Variants in XIRP2 observed in about 807,000 individuals in gnomAD.
XIRP2 encodes xin actin-binding repeat-containing protein 2.
Under a neutral mutation model 277.0 loss-of-function variants are expected in XIRP2, and 236 were observed. The ratio of observed to expected loss-of-function variants is 0.85; its 90% CI spans 0.77 to 0.95. The LOEUF is 0.95. Among genes scored for constraint, XIRP2 ranks in the 40% least tolerant of loss-of-function variants. The pLI is 0.00. For missense variants in XIRP2, 4,640 were observed against 4,157.5 expected (o/e 1.12, Z -3.19); for synonymous variants, 1,490 against 1,416.5 (o/e 1.05, Z -1.17).
chr2:167,153,094 T>C (rs1692063845), intron 3 of XIRP2, among the ~76,000 whole-genome samples: 1 of 152,164 alleles, frequency 6.6e-6, no homozygotes, highest in Non-Finnish European at 1.5e-5. Flanking sequence ...GGAGTGTATC[T>C]CAAAATATTT....
chr2:167,052,307 CT>C (rs571880116), intron 2 of XIRP2, among the ~76,000 whole-genome samples: 2 of 151,724 alleles, frequency 1.3e-5, no homozygotes, highest in African/African-American at 2.4e-5. Flanking sequence ...ATCTTGGCAA[CT>C]TTTTTTTAAA....
At chr2:167,056,255 TCTC>T (rs1558963783) in intron 2 of XIRP2, among the ~76,000 whole-genome samples, 1 of 152,136 alleles carries the variant, frequency 6.6e-6, no homozygotes, top group Non-Finnish European at 1.5e-5. Flanking sequence ...ATTTTTCTCA[TCTC>T]CTCTGAAAGC....
intron 2 of XIRP2, among the ~76,000 whole-genome samples, chr2:167,043,360 A>G (rs764596570): frequency 7.2e-5 from 11 of 151,888 alleles, no homozygotes; most frequent in Non-Finnish European, 1.6e-4. Flanking sequence ...AATTGAGAAC[A>G]CAAAAAAAGA....
Position 167,171,020 on chromosome 2 carries a change from C to T in XIRP2, c.562+34958C>T, listed in dbSNP as rs1692674914. On this transcript the variant is annotated intron_variant, in intron 3 of 10. Transcript: ENST00000409195. Reference sequence around the variant, plus strand: ...GTTCAAGTGATTCTCCTGCCTCAGCCTCCTGGGTAGCTGGGATTACAAGTG... The same window carrying T: ...GTTCAAGTGATTCTCCTGCCTCAGCTTCCTGGGTAGCTGGGATTACAAGTG... 2.0e-5 allele frequency among the ~76,000 whole-genome samples: 3 copies of T among 151,510 alleles called. No individual in the cohort carries two copies. The South Asian group carries it at 6.3e-4, about 32-fold the overall frequency.
At chr2:166,910,137 A>T (rs1242478718) in intron 2 of XIRP2, among the ~76,000 whole-genome samples, 1 of 152,202 alleles carries the variant, frequency 6.6e-6, no homozygotes, top group East Asian at 1.9e-4. Context: ...GAAATGAGTT[A>T]GGGAGGATTC....
intron 3 of XIRP2, among the ~76,000 whole-genome samples, chr2:167,157,238 G>A (rs1692228770): frequency 6.6e-6 from 1 of 152,054 alleles, no homozygotes; most frequent in Admixed American, 6.6e-5. Context: ...CTACACTGCT[G>A]ATTTGTCCCT....
chr2:166,982,130 ACTTTTT>A (rs1022195987), intron 2 of XIRP2, among the ~76,000 whole-genome samples: 3 of 151,874 alleles, frequency 2.0e-5, no homozygotes, highest in Admixed American at 6.6e-5. Context: ...ATTTTGGATA[ACTTTTT>A]CTTTTTCTTT....
chr2:167,095,851 CTTTTTTTTTTTTTTTTTTTTTTTTT>C (rs60405920), intron 2 of XIRP2, among the ~76,000 whole-genome samples: 4 of 47,244 alleles, frequency 8.5e-5, no homozygotes, highest in Non-Finnish European at 1.9e-4. Flanking sequence ...AGGCGTCACT[CTTTTTTTTTTTTTTTTTTTTTTTTT>C]TTTTTTTTTT....
chr2:166,909,293 G>T (rs1283963787), intron 2 of XIRP2, among the ~76,000 whole-genome samples: 2 of 152,086 alleles, frequency 1.3e-5, no homozygotes, highest in Non-Finnish European at 2.9e-5. Context: ...TTATTTCGTT[G>T]AACAGTGATT....
intron 3 of XIRP2, among the ~76,000 whole-genome samples, chr2:167,152,724 T>G (rs1574301634): frequency 6.6e-6 from 1 of 152,054 alleles, no homozygotes; most frequent in African/African-American, 2.4e-5. Context: ...ACCTCAATGC[T>G]AGACAGGTGA....
intron 2 of XIRP2, among the ~76,000 whole-genome samples, chr2:167,047,765 A>G (rs1688819967): frequency 6.6e-6 from 1 of 151,962 alleles, no homozygotes. Flanking sequence ...CTATGCCAAG[A>G]TGGCTTTGAA....
In XIRP2 at chr2:167,150,250, A is replaced by G. The variant is rs966528215; in HGVS notation, c.562+14188A>G. ...TCAGAATGGCCAAAAAATTTGTGTA[A>G]CCATTTGTAGTTGTGGAGTGTATAA... On this transcript the variant is annotated intron_variant, in intron 3 of 10. Coordinates refer to ENST00000409195, the MANE Select transcript of XIRP2 (RefSeq NM_152381.6). 4.6e-5 allele frequency among the ~76,000 whole-genome samples: 7 copies of G among 152,192 alleles called. No homozygotes were observed. In the East Asian group the frequency reaches 1.4e-3, roughly 29 times the overall value.
chr2:167,030,071 A>AT (rs1211089781), intron 2 of XIRP2, among the ~76,000 whole-genome samples: 1 of 151,998 alleles, frequency 6.6e-6, no homozygotes, highest in Non-Finnish European at 1.5e-5. Context: ...CCGCTTTATC[A>AT]TTTTTTATTA....
chr2:166,928,643 T>G (rs886156080), intron 2 of XIRP2, among the ~76,000 whole-genome samples: 8 of 152,156 alleles, frequency 5.3e-5, no homozygotes, highest in African/African-American at 1.9e-4. Context: ...CTTATCTTAA[T>G]TTCTTATCTT....
chr2:167,258,979 T>C lies in XIRP2; in HGVS notation c.*1162T>C, dbSNP rs767486223. ...GAGGCCTTATGGTAAAGGGGGGAAGTTCAATCATCTCTCCTGATACAAATC... is the reference window on the plus strand; with the variant it reads ...GAGGCCTTATGGTAAAGGGGGGAAGCTCAATCATCTCTCCTGATACAAATC... On this transcript the variant is annotated 3_prime_UTR_variant, in exon 11 of 11. Coordinates refer to ENST00000409195, the MANE Select transcript of XIRP2 (RefSeq NM_152381.6). 1.2e-6 allele frequency: 2 copies of C among 1,611,938 alleles called. No individual in the cohort carries two copies. Among genetic ancestry groups the C allele is most frequent in the East Asian group, 2.2e-5 (1 of 44,784 alleles).
intron 5 of XIRP2, among the ~76,000 whole-genome samples, chr2:167,239,343 G>A (rs1694988153): frequency 6.6e-6 from 1 of 152,110 alleles, no homozygotes; most frequent in African/African-American, 2.4e-5. Context: ...TAAATTACAT[G>A]GCAAAGGAGA....
intron 2 of XIRP2, among the ~76,000 whole-genome samples, chr2:167,081,748 G>A (rs1295552629): frequency 6.6e-6 from 1 of 152,040 alleles, no homozygotes; most frequent in Non-Finnish European, 1.5e-5. Context: ...ACAGAAATTA[G>A]CACACAAGAA....
At chr2:167,201,204 A>G (rs12185654) in intron 3 of XIRP2, among the ~76,000 whole-genome samples, 3 of 51,918 alleles carry the variant, frequency 5.8e-5, no homozygotes, top group African/African-American at 2.9e-4. Context: ...GAAAGAAAGA[A>G]AGAAAGAAAG....
chr2:167,174,150 C>T (rs1021231818), intron 3 of XIRP2, among the ~76,000 whole-genome samples: 1 of 152,096 alleles, frequency 6.6e-6, no homozygotes, highest in African/African-American at 2.4e-5. Flanking sequence ...GGGAGGAGTC[C>T]CTCTTTTTCT....
Sources: gnomAD v4.1 joint callset for allele counts (sites outside exome capture counted in the v4.1 genomes callset) on GRCh38, gnomAD v4.1.1 for gene constraint, MANE v1.5 for transcripts, NCBI Gene and HGNC (gene_info 2026-07-23, HGNC 2026-07-21) for gene names.